POMGNT1: variants seen among roughly 807,000 people sequenced by gnomAD.
POMGNT1 encodes protein O-linked mannose N-acetylglucosaminyltransferase 1 (beta 1,2-), also known as protein O-linked-mannose beta-1,2-N-acetylglucosaminyltransferase 1.
Under a neutral mutation model 95.6 loss-of-function variants are expected in POMGNT1, and 67 were observed. The observed-to-expected ratio is 0.70, with a 90% CI of 0.58 to 0.86. POMGNT1 has a LOEUF of 0.86. POMGNT1 is among the 40% of genes least tolerant of loss of function. POMGNT1 has a pLI of 0.00. For synonymous variants in POMGNT1, 298 were observed against 317.9 expected, an observed-to-expected ratio of 0.94 and a Z score of 0.66; for missense variants, 719 against 855.2, an observed-to-expected ratio of 0.84 and a Z score of 1.99.
rs1657514743 is a variant in POMGNT1 at position 46,188,824 on chromosome 1, G to A, written c.*446C>T. On this transcript the variant is annotated 3_prime_UTR_variant, in exon 22 of 22. Transcript: ENST00000371984. ...GTGTCAGCATGTGGGCCCCAGCTGG[G>A]CCTGTCCATGGGTTGGGCACAGCAG... The A allele has an allele frequency of 6.2e-7, 1 of 1,612,790 alleles. No individual in the cohort carries two copies. The highest frequency in any genetic ancestry group is 1.3e-5 in the African/African-American group (1 of 74,930).
rs761461283 is a variant in POMGNT1 at position 46,192,704 on chromosome 1, C to G, written c.1212-114G>C. Reference sequence around the variant, plus strand: ...GGAGCACCTCCTTCCTGGAGTACCTCCTTCCCCCAAATCCCCACTGTCTCC... The same window carrying G: ...GGAGCACCTCCTTCCTGGAGTACCTGCTTCCCCCAAATCCCCACTGTCTCC... On this transcript the variant is annotated intron_variant, in intron 14 of 21. Transcript: ENST00000371984. 1,209 of 1,599,580 alleles carry G rather than the reference C, an allele frequency of 7.6e-4. 2 individuals carry two copies. The highest frequency in any genetic ancestry group is 9.4e-4 in the Non-Finnish European group (1,099 of 1,174,974).
chr1:46,198,967 A>G (rs1163085745), upstream of POMGNT1, among the ~76,000 whole-genome samples: 1 of 151,934 alleles, frequency 6.6e-6, no homozygotes, highest in Non-Finnish European at 1.5e-5. Context: ...ATTGAGACGG[A>G]GTCTCGCTCT....
chr1:46,188,969 T>G lies in POMGNT1; in HGVS notation c.*301A>C. ...AGGACAGTCAATAAATAGGTTAGAT[T>G]CTGAGCCAGGCCTGGAAAGTGAGGG... On this transcript the variant is annotated 3_prime_UTR_variant, in exon 22 of 22. Coordinates refer to ENST00000371984, the MANE Select transcript of POMGNT1 (RefSeq NM_017739.4). 3 of 1,610,296 alleles carry G rather than the reference T, an allele frequency of 1.9e-6. No homozygotes were observed. Among genetic ancestry groups the G allele is most frequent in the Non-Finnish European group, 2.5e-6 (3 of 1,178,142 alleles).
In POMGNT1 at chr1:46,194,840, G is replaced by C; in HGVS notation, c.652+4C>G. The C allele has an allele frequency of 6.2e-7, 1 of 1,614,022 alleles. No individual in the cohort carries two copies. The highest frequency in any genetic ancestry group is 8.5e-7 in the Non-Finnish European group (1 of 1,179,954). Reference sequence around the variant, plus strand: ...ACAGAGTGGATGGCCTCTGATGCCGGCACCTCCTTTTCGTCCCACGAAGGC... The same window carrying C: ...ACAGAGTGGATGGCCTCTGATGCCGCCACCTCCTTTTCGTCCCACGAAGGC... On this transcript the variant is annotated splice_donor_region_variant and intron_variant, in intron 7 of 21. Transcript: ENST00000371984.
rs1414733588 is a variant in POMGNT1, at chr1:46,193,222, G to A, written c.1111-7C>T. On this transcript the variant is annotated splice_region_variant and splice_polypyrimidine_tract_variant and intron_variant, in intron 12 of 21. Coordinates refer to ENST00000371984, the MANE Select transcript of POMGNT1 (RefSeq NM_017739.4). ...TGAGGCTGGCCTTGTAGTGCTGGGA[G>A]TGGGGTGGGAATAGGGCACATGAGC... 2.5e-6 allele frequency: 4 copies of A among 1,614,200 alleles called. No homozygotes were observed. In the East Asian group the frequency reaches 8.9e-5, roughly 36 times the overall value.
At chr1:46,200,747 G>C (rs966144059), upstream of POMGNT1, among the ~76,000 whole-genome samples, 3 of 152,180 alleles carry the variant, frequency 2.0e-5, no homozygotes, top group East Asian at 1.9e-4. Context: ...CCCAGTGCAG[G>C]CCATTTCAGT....
At chr1:46,209,806 C>T (rs897605529) in intron 1 of POMGNT1, among the ~76,000 whole-genome samples, 13 of 151,340 alleles carry the variant, frequency 8.6e-5, no homozygotes, top group African/African-American at 2.7e-4. Context: ...CCACCATGCA[C>T]GGCTGTAGAT....
intron 1 of POMGNT1, among the ~76,000 whole-genome samples, chr1:46,217,495 A>G (rs1659102601): frequency 6.6e-6 from 1 of 152,210 alleles, no homozygotes. Flanking sequence ...GAGTAATTTT[A>G]TTGCCTATTA....
upstream of POMGNT1, among the ~76,000 whole-genome samples, chr1:46,199,380 A>G (rs536744748): frequency 1.3e-5 from 2 of 152,338 alleles, no homozygotes; most frequent in African/African-American, 4.8e-5. Flanking sequence ...AATACATAAG[A>G]ATTGCCAGGT....
chr1:46,210,325 A>G (rs1658854702), intron 1 of POMGNT1, among the ~76,000 whole-genome samples: 1 of 152,210 alleles, frequency 6.6e-6, no homozygotes, highest in African/African-American at 2.4e-5. Flanking sequence ...TCATTAATAC[A>G]GAAGACCCCA....
chr1:46,205,661 A>T (rs920803924), intron 1 of POMGNT1, among the ~76,000 whole-genome samples: 6 of 152,142 alleles, frequency 3.9e-5, no homozygotes, highest in Non-Finnish European at 8.8e-5. Flanking sequence ...TGTATTCTTG[A>T]CCCAGCTTGC....
At chr1:46,202,917 G>GGT (rs1553164805), upstream of POMGNT1, among the ~76,000 whole-genome samples, 1 of 101,916 alleles carries the variant, frequency 9.8e-6, no homozygotes, top group African/African-American at 3.8e-5. Flanking sequence ...GGGGGGGGGG[G>GGT]GTGGTGTGTG....
chr1:46,194,988 C>T (rs774545505), intron 6 of POMGNT1, 27 bp from the exon 7 acceptor site: 3 of 1,609,374 alleles, frequency 1.9e-6, no homozygotes, highest in Non-Finnish European at 2.6e-6. Flanking sequence ...GGCAGTTAGC[C>T]TGACTGGCAT....
At chr1:46,203,761 C>A in intron 1 of POMGNT1, 1 of 793,722 alleles carries the variant, frequency 1.3e-6, no homozygotes, top group Non-Finnish European at 1.9e-6. Context: ...CCTCCCAGAT[C>A]AATCCGTAAA....
chr1:46,193,684 A>G (rs779798392), intron 10 of POMGNT1, 45 bp from the exon 11 acceptor site: 1 of 1,613,138 alleles, frequency 6.2e-7, no homozygotes, highest in South Asian at 1.1e-5. Flanking sequence ...TCACCCCTCA[A>G]CTCAGGTTCC....
At chr1:46,202,920 G>GTGT (rs540959987), upstream of POMGNT1, among the ~76,000 whole-genome samples, 65 of 64,514 alleles carry the variant, frequency 1.0e-3, 1 homozygote, top group Non-Finnish European at 1.2e-3. Flanking sequence ...GGGGGGGGGT[G>GTGT]GTGTGTGTGT....
At chr1:46,194,068 C>G in intron 9 of POMGNT1, 143 bp from the exon 10 acceptor site, 1 of 1,540,136 alleles carries the variant, frequency 6.5e-7, no homozygotes, top group Non-Finnish European at 8.8e-7. Context: ...TCTGGGCTCT[C>G]CACACACTCA....
At chr1:46,193,477 G>T in intron 11 of POMGNT1, 87 bp downstream of exon 11, 1 of 1,610,942 alleles carries the variant, frequency 6.2e-7, no homozygotes, top group Admixed American at 1.7e-5. Flanking sequence ...CACAGCCCTT[G>T]CCTGGGCGGT....
upstream of POMGNT1, chr1:46,203,286 T>C: frequency 1.9e-6 from 1 of 534,314 alleles, no homozygotes; most frequent in Non-Finnish European, 3.1e-6. Flanking sequence ...TTTCTGAGTG[T>C]TACGGCGCCC....
Sources: allele counts gnomAD v4.1 joint callset (sites outside exome capture counted in the v4.1 genomes callset), GRCh38; gene constraint gnomAD v4.1.1; transcripts MANE v1.5; gene names NCBI Gene and HGNC (gene_info 2026-07-23, HGNC 2026-07-21).